Variants in GABRB1 observed in about 807,000 individuals in gnomAD.
GABRB1 encodes the protein gamma-aminobutyric acid type A receptor subunit beta1, also known as gamma-aminobutyric acid receptor subunit beta-1.
Under a neutral mutation model 51.6 loss-of-function variants are expected in GABRB1, and 17 were observed. The ratio of observed to expected loss-of-function variants is 0.33; its 90% CI spans 0.23 to 0.49. The LOEUF is 0.49. Ranked by LOEUF, GABRB1 falls within the 20% of genes least tolerant of loss-of-function variation. The pLI is 0.99. For missense variants in GABRB1, 410 were observed against 600.6 expected, an observed-to-expected ratio of 0.68 and a Z score of 3.32; for synonymous variants, 247 against 218.9, an observed-to-expected ratio of 1.13 and a Z score of -1.14.
intron 8 of GABRB1, among the ~76,000 whole-genome samples, chr4:47,417,494 G>A (rs939445699): frequency 6.6e-6 from 1 of 151,672 alleles, no homozygotes; most frequent in Non-Finnish European, 1.5e-5. Context: ...AAGAGATCAG[G>A]GTTTGGCAGC....
At chr4:47,014,105 T>G (rs1232801447) in intron 1 of GABRB1, among the ~76,000 whole-genome samples, 1 of 152,222 alleles carries the variant, frequency 6.6e-6, no homozygotes, top group East Asian at 1.9e-4. Flanking sequence ...TGTCTTTTCC[T>G]ATAGATAATC....
intron 5 of GABRB1, among the ~76,000 whole-genome samples, chr4:47,365,683 G>A (rs1388229159): frequency 6.6e-6 from 1 of 152,156 alleles, no homozygotes; most frequent in Non-Finnish European, 1.5e-5. Flanking sequence ...GGAGATTAAA[G>A]GATAAGAGGA....
At chr4:47,038,844 A>G (rs1045488615) in intron 3 of GABRB1, among the ~76,000 whole-genome samples, 1 of 152,184 alleles carries the variant, frequency 6.6e-6, no homozygotes, top group Non-Finnish European at 1.5e-5. Flanking sequence ...GGCTCAAATG[A>G]CATAATCACA....
At chr4:47,252,842 A>C (rs1370602433) in intron 4 of GABRB1, among the ~76,000 whole-genome samples, 1 of 152,144 alleles carries the variant, frequency 6.6e-6, no homozygotes, top group Non-Finnish European at 1.5e-5. Context: ...TATTGTTAAA[A>C]TCCCTTATCA....
intron 5 of GABRB1, among the ~76,000 whole-genome samples, chr4:47,354,849 C>A (rs7436651): frequency 5.2e-5 from 7 of 134,510 alleles, no homozygotes; most frequent in African/African-American, 1.7e-4. Flanking sequence ...TAAAGCTTTT[C>A]TGTGGCAGGC....
chr4:47,290,408 A>T (rs187425710), intron 4 of GABRB1, among the ~76,000 whole-genome samples: 62 of 152,324 alleles, frequency 4.1e-4, no homozygotes, highest in Non-Finnish European at 4.6e-4. Context: ...CAACATTAGT[A>T]TGCCTTTATC....
At chr4:47,329,455 TA>T (rs1350202650) in intron 5 of GABRB1, among the ~76,000 whole-genome samples, 2 of 149,010 alleles carry the variant, frequency 1.3e-5, no homozygotes, top group African/African-American at 2.4e-5. Flanking sequence ...ATATAGCACA[TA>T]CATATATATG....
intron 3 of GABRB1, among the ~76,000 whole-genome samples, chr4:47,046,367 T>G (rs1395418112): frequency 6.6e-6 from 1 of 152,142 alleles, no homozygotes; most frequent in Admixed American, 6.6e-5. Flanking sequence ...AAATATTATT[T>G]ATCTGTTCAC....
intron 3 of GABRB1, among the ~76,000 whole-genome samples, chr4:47,073,937 A>T (rs1727445418): frequency 6.6e-6 from 1 of 152,202 alleles, no homozygotes; most frequent in African/African-American, 2.4e-5. Context: ...GTTCTGGATT[A>T]ATAGAAAAGA....
intron 3 of GABRB1, among the ~76,000 whole-genome samples, chr4:47,120,241 A>C (rs1276811095): frequency 6.6e-6 from 1 of 152,182 alleles, no homozygotes; most frequent in East Asian, 1.9e-4. Context: ...CAAATATATA[A>C]AGCAAATATT....
chr4:47,026,294 G>A (rs772127455), intron 1 of GABRB1, among the ~76,000 whole-genome samples: 2 of 151,888 alleles, frequency 1.3e-5, no homozygotes, highest in Non-Finnish European at 2.9e-5. Context: ...ATACACTCAC[G>A]AATAAATGAA....
chr4:47,092,737 G>A (rs990633460), intron 3 of GABRB1, among the ~76,000 whole-genome samples: 11 of 150,866 alleles, frequency 7.3e-5, no homozygotes, highest in Non-Finnish European at 1.3e-4. Context: ...TCAGCCTCCC[G>A]AGTGGCTGGG....
chr4:47,419,695 G>A (rs1271811623), intron 8 of GABRB1, among the ~76,000 whole-genome samples: 3 of 152,226 alleles, frequency 2.0e-5, no homozygotes, highest in Non-Finnish European at 4.4e-5. Flanking sequence ...AACAGTGCCT[G>A]AGGCATAGTA....
chr4:47,103,786 C>T (rs866748339), intron 3 of GABRB1, among the ~76,000 whole-genome samples: 7 of 151,760 alleles, frequency 4.6e-5, no homozygotes, highest in Non-Finnish European at 7.4e-5. Flanking sequence ...GCATATAACA[C>T]GTTACAGAAA....
intron 4 of GABRB1, among the ~76,000 whole-genome samples, chr4:47,306,283 G>T (rs2109945392): frequency 6.8e-6 from 1 of 146,736 alleles, no homozygotes; most frequent in African/African-American, 2.5e-5. Flanking sequence ...AAGGGAAGGG[G>T]AGGAAAAAGA....
intron 3 of GABRB1, among the ~76,000 whole-genome samples, chr4:47,138,906 A>T (rs1415425280): frequency 6.6e-6 from 1 of 152,060 alleles, no homozygotes; most frequent in Admixed American, 6.6e-5. Context: ...TGCCATTAAA[A>T]TGTTTAAAGC....
In GABRB1 at chr4:47,015,713, G is replaced by A. The variant is rs141996924; in HGVS notation, c.-19-16201G>A. On this transcript the variant is annotated intron_variant, in intron 1 of 3. Transcript: ENST00000513567. ...ATTATTAATATGTTATACAAGCAAC[G>A]GGCAAGCATGAGCCTGTTTTACATG... Among the ~76,000 whole-genome samples the A allele has an allele frequency of 8.0e-3, 1,216 of 152,228 alleles. 13 individuals are homozygous for A. Among genetic ancestry groups the A allele is most frequent in the African/African-American group, 0.026 (1,085 of 41,542 alleles).
At chr4:47,040,021 C>T (rs1577850297) in intron 3 of GABRB1, among the ~76,000 whole-genome samples, 2 of 152,158 alleles carry the variant, frequency 1.3e-5, no homozygotes, top group South Asian at 4.2e-4. Context: ...GAACAAGGAC[C>T]AGAAGTGCAC....
chr4:47,310,958 G>GTTCGAGACCAGCCTGGCCAACAT (rs1724646401), intron 4 of GABRB1, among the ~76,000 whole-genome samples: 1 of 150,934 alleles, frequency 6.6e-6, no homozygotes, highest in African/African-American at 2.4e-5. Flanking sequence ...GAGACCAGGA[G>GTTCGAGACCAGCCTGGCCAACAT]GCTGAGGCAG....
Sources: gnomAD v4.1 joint callset for allele counts (sites outside exome capture counted in the v4.1 genomes callset) on GRCh38, gnomAD v4.1.1 for gene constraint, MANE v1.5 for transcripts, NCBI Gene and HGNC (gene_info 2026-07-23, HGNC 2026-07-21) for gene names.